The following GLG1 variants were observed in gnomAD, a reference collection of about 807,000 sequenced individuals.
The protein encoded by GLG1 is golgi glycoprotein 1, also known as Golgi apparatus protein 1.
A neutral mutation model predicts 160.5 loss-of-function variants in GLG1; 38 were observed. The observed-to-expected ratio is 0.24, with a 90% CI of 0.18 to 0.31. The LOEUF is 0.31. Ranked by LOEUF, GLG1 falls within the 10% of genes least tolerant of loss-of-function variation. The pLI, the probability that GLG1 is intolerant of heterozygous loss-of-function variation, is 1.00. For synonymous variants in GLG1, 644 were observed against 543.4 expected (o/e 1.19, Z -2.57); for missense variants, 1,373 against 1,505.2 (o/e 0.91, Z 1.45).
intron 11 of GLG1, among the ~76,000 whole-genome samples, chr16:74,479,842 T>A (rs1235653445): frequency 1.3e-5 from 2 of 152,172 alleles, no homozygotes; most frequent in African/African-American, 4.8e-5. Context: ...AACCAGTCCA[T>A]GGGCAGACAA....
At chr16:74,603,275 T>C (rs568283764) in intron 1 of GLG1, among the ~76,000 whole-genome samples, 1 of 151,292 alleles carries the variant, frequency 6.6e-6, no homozygotes, top group East Asian at 2.0e-4. Context: ...CTGGGCGAGG[T>C]GGTGCGTGCC....
At chr16:74,497,719 G>A (rs1004276456) in intron 4 of GLG1, among the ~76,000 whole-genome samples, 1 of 152,174 alleles carries the variant, frequency 6.6e-6, no homozygotes, top group African/African-American at 2.4e-5. Context: ...TTACTGGCGT[G>A]AGCCACTGCG....
rs201488267 is a variant in GLG1, at chr16:74,568,393, AAGAAGTATCAG to A, written c.439-36251_439-36241del. On this transcript the variant is annotated intron_variant, in intron 1 of 25. Coordinates refer to ENST00000422840, the MANE Select transcript of GLG1 (RefSeq NM_001145667.2). ...TTAAATCTCACTCTGATAAAGCAGA[AAGAAGTATCAG>A]AATAATTTTACTGCTTTTTTTTTTT... Among the ~76,000 whole-genome samples, 106 of 96,184 alleles carry A rather than the reference AAGAAGTATCAG, an allele frequency of 1.1e-3. 3 individuals are homozygous for A. The highest frequency in any genetic ancestry group is 8.0e-4 in the Admixed American group (7 of 8,776). The allele number at this position is 96,184 out of a possible 152,430, so 63.1% of individuals were successfully genotyped here.
chr16:74,603,905 C>T (rs1048421812), intron 1 of GLG1, among the ~76,000 whole-genome samples: 1 of 151,922 alleles, frequency 6.6e-6, no homozygotes, highest in East Asian at 1.9e-4. Context: ...CACACCATTA[C>T]TGGCTATTAC....
intron 1 of GLG1, among the ~76,000 whole-genome samples, chr16:74,566,950 T>C (rs553880130): frequency 6.6e-6 from 1 of 152,186 alleles, no homozygotes; most frequent in Non-Finnish European, 1.5e-5. Flanking sequence ...ATGAAAAGTA[T>C]ATATAGTCAC....
chr16:74,601,194 C>A (rs1023595420), intron 1 of GLG1, among the ~76,000 whole-genome samples: 1 of 151,700 alleles, frequency 6.6e-6, no homozygotes, highest in Non-Finnish European at 1.5e-5. Context: ...GGAACTGGTA[C>A]ATATATAATC....
Position 74,476,223 on chromosome 16 carries a change from A to T in GLG1, c.1965+1173T>A, listed in dbSNP as rs9924762. Among the ~76,000 whole-genome samples, 1,085 of 152,212 alleles carry T rather than the reference A, an allele frequency of 7.1e-3. 11 individuals carry two copies. Among genetic ancestry groups the T allele is most frequent in the African/African-American group, 0.025 (1,025 of 41,544 alleles). On this transcript the variant is annotated intron_variant, in intron 12 of 25. Transcript: ENST00000422840. ...AATTCTTAAGTTTAGCTTCTCCATGACGGGCTGCAATGTAGTGCAGCTTTC... is the reference window on the plus strand; with the variant it reads ...AATTCTTAAGTTTAGCTTCTCCATGTCGGGCTGCAATGTAGTGCAGCTTTC...
chr16:74,481,027 G>A (rs2015580301), intron 10 of GLG1, among the ~76,000 whole-genome samples: 1 of 152,164 alleles, frequency 6.6e-6, no homozygotes, highest in Non-Finnish European at 1.5e-5. Context: ...CATGCCCTGG[G>A]TGAAAACAGA....
intron 1 of GLG1, among the ~76,000 whole-genome samples, chr16:74,591,979 T>C (rs1958196009): frequency 6.6e-6 from 1 of 152,132 alleles, no homozygotes; most frequent in South Asian, 2.1e-4. Flanking sequence ...TACCCCTTCA[T>C]AGTGTACACA....
At chr16:74,459,857 T>C (rs1597219896) in intron 22 of GLG1, 68 bp from the exon 23 acceptor site, 6 of 807,086 alleles carry the variant, frequency 7.4e-6, no homozygotes, top group Non-Finnish European at 1.2e-5. Context: ...GTTTCTTCTT[T>C]TTTTTTTTTA....
intron 1 of GLG1, among the ~76,000 whole-genome samples, chr16:74,582,497 C>T (rs190476626): frequency 1.1e-3 from 160 of 152,210 alleles, no homozygotes; most frequent in Admixed American, 2.2e-3. Context: ...GATAGTCTCA[C>T]CTTCTCTTCA....
intron 4 of GLG1, among the ~76,000 whole-genome samples, chr16:74,499,760 T>C (rs1351876246): frequency 6.6e-6 from 1 of 152,130 alleles, no homozygotes; most frequent in Non-Finnish European, 1.5e-5. Flanking sequence ...TCCCAGCGCT[T>C]TGGGAGGCCG....
At chr16:74,601,920 T>C (rs956635454) in intron 1 of GLG1, among the ~76,000 whole-genome samples, 1 of 152,150 alleles carries the variant, frequency 6.6e-6, no homozygotes, top group Non-Finnish European at 1.5e-5. Flanking sequence ...CCACTTAGGA[T>C]ATAACATCAG....
chr16:74,606,192 T>A (rs1043225420), intron 1 of GLG1, among the ~76,000 whole-genome samples: 4 of 152,182 alleles, frequency 2.6e-5, no homozygotes, highest in Non-Finnish European at 4.4e-5. Context: ...ACCAAAAATA[T>A]GGATTTGCGA....
chr16:74,456,265 A>T (rs1202811444), intron 25 of GLG1, among the ~76,000 whole-genome samples: 2 of 152,338 alleles, frequency 1.3e-5, no homozygotes, highest in Non-Finnish European at 2.9e-5. Context: ...AGACAGCCCG[A>T]TGCACAGGGA....
chr16:74,595,144 C>T (rs912933292), intron 1 of GLG1, among the ~76,000 whole-genome samples: 2 of 150,144 alleles, frequency 1.3e-5, no homozygotes, highest in African/African-American at 4.9e-5. Flanking sequence ...GCGGAGATCG[C>T]GCCACTGCAA....
At chr16:74,553,467 C>T (rs1391735927) in intron 1 of GLG1, among the ~76,000 whole-genome samples, 9 of 123,442 alleles carry the variant, frequency 7.3e-5, no homozygotes, top group South Asian at 2.8e-4. Flanking sequence ...GGTTTTGTTT[C>T]GGTTTTTTTT....
chr16:74,590,813 AAAAAAAAAAAGG>A (rs936195885), intron 1 of GLG1, among the ~76,000 whole-genome samples: 1 of 142,930 alleles, frequency 7.0e-6, no homozygotes, highest in African/African-American at 2.5e-5. Context: ...AAAAAAAAAG[AAAAAAAAAAAGG>A]AAAGCATCAC....
chr16:74,574,641 G>A (rs892905589), intron 1 of GLG1, among the ~76,000 whole-genome samples: 2 of 151,802 alleles, frequency 1.3e-5, no homozygotes, highest in African/African-American at 4.8e-5. Flanking sequence ...CCAGCACTTC[G>A]GGAGGCTGAG....
Sources: allele counts gnomAD v4.1 joint callset (sites outside exome capture counted in the v4.1 genomes callset), GRCh38; gene constraint gnomAD v4.1.1; transcripts MANE v1.5; gene names NCBI Gene and HGNC (gene_info 2026-07-23, HGNC 2026-07-21).